Variants in PTGES3 observed in about 807,000 individuals in gnomAD.
The protein encoded by PTGES3 is prostaglandin E synthase 3, also known as Hsp90 co-chaperone.
Under a neutral mutation model 29.9 loss-of-function variants are expected in PTGES3, and 5 were observed. The ratio of observed to expected loss-of-function variants is 0.17; its 90% CI spans 0.09 to 0.35. The LOEUF is 0.35. Ranked by LOEUF, PTGES3 falls within the 10% of genes least tolerant of loss-of-function variation. The pLI is 1.00. For missense variants in PTGES3, 128 were observed against 190.0 expected, an observed-to-expected ratio of 0.67 and a Z score of 1.92; for synonymous variants, 49 against 57.8, an observed-to-expected ratio of 0.85 and a Z score of 0.69.
intron 5 of PTGES3, among the ~76,000 whole-genome samples, chr12:56,669,278 C>T (rs1348538533): frequency 6.6e-6 from 1 of 151,716 alleles, no homozygotes; most frequent in African/African-American, 2.4e-5. Flanking sequence ...CCGCAACCTC[C>T]ACCTCCCGGG....
intron 4 of PTGES3, chr12:56,670,601 T>A (rs1320779044): frequency 2.1e-6 from 1 of 477,202 alleles, no homozygotes; most frequent in African/African-American, 1.9e-5. Context: ...GGTCCCCGCT[T>A]CCTGGGACAA....
chr12:56,668,421 TAAAAC>T (rs1017997716), intron 5 of PTGES3, among the ~76,000 whole-genome samples: 5 of 151,936 alleles, frequency 3.3e-5, no homozygotes, highest in Admixed American at 2.6e-4. Context: ...GATAGCAAAA[TAAAAC>T]AAAAAACAAA....
At chr12:56,674,422 T>TGG (rs1952133445) in intron 1 of PTGES3, among the ~76,000 whole-genome samples, 1 of 152,198 alleles carries the variant, frequency 6.6e-6, no homozygotes, top group Non-Finnish European at 1.5e-5. Flanking sequence ...CCAGGCGCGG[T>TGG]GGCTCACGCC....
chr12:56,678,722 C>T (rs1952383748), intron 1 of PTGES3, among the ~76,000 whole-genome samples: 1 of 152,042 alleles, frequency 6.6e-6, no homozygotes, highest in Non-Finnish European at 1.5e-5. Flanking sequence ...AACAAAGAGA[C>T]CTTTTAGATA....
chr12:56,686,861 CTTA>C (rs1324814527), intron 1 of PTGES3: 8 of 378,006 alleles, frequency 2.1e-5, no homozygotes, highest in African/African-American at 4.3e-5. Context: ...CAAGCAAATC[CTTA>C]TTACTTTTCC....
In PTGES3 at chr12:56,666,064, T is replaced by C. The variant is rs1025130434; in HGVS notation, c.438+140A>G. On this transcript the variant is annotated intron_variant, in intron 6 of 7. Transcript: ENST00000262033. ...CCCCATTCGTCAAAAATGGGCACAT[T>C]TTAAAAATTGCTTTTCCCTTTTCTT... 44 of 1,401,112 alleles carry C rather than the reference T, an allele frequency of 3.1e-5. No individual in the cohort carries two copies. In the South Asian group the frequency reaches 7.3e-4, roughly 23 times the overall value. 86.8% of individuals were successfully genotyped at this position (1,401,112 alleles called of 1,614,324 possible). A position where few individuals can be genotyped will look rare whatever the true frequency, so the allele number is the denominator to read the frequency against.
chr12:56,688,063 G>A lies in PTGES3; in HGVS notation c.-64C>T, dbSNP rs997415881. On this transcript the variant is annotated 5_prime_UTR_variant, in exon 1 of 8. Transcript: ENST00000262033. ...GCCTCTCTGGCGGCGGCTGCTGCTA[G>A]GGAGTCGACTTCTCTCCGGTGGCGA... 12 of 1,469,640 alleles carry A rather than the reference G, an allele frequency of 8.2e-6. No individual in the cohort carries two copies. The South Asian group carries it at 1.5e-4, about 18-fold the overall frequency. 91.0% of individuals were successfully genotyped at this position (1,469,640 alleles called of 1,614,324 possible). A position where few individuals can be genotyped will look rare whatever the true frequency, so the allele number is the denominator to read the frequency against.
chr12:56,669,532 C>T (rs537924162), intron 5 of PTGES3, among the ~76,000 whole-genome samples: 117 of 152,354 alleles, frequency 7.7e-4, no homozygotes, highest in African/African-American at 2.5e-3. Flanking sequence ...ATCCGCCCAT[C>T]TCAGCCTCCC....
intron 1 of PTGES3, among the ~76,000 whole-genome samples, chr12:56,673,949 C>G (rs1353832612): frequency 8.5e-5 from 13 of 152,180 alleles, no homozygotes. Context: ...GCCTGGGCAA[C>G]AGAGACTCTG....
intron 1 of PTGES3, among the ~76,000 whole-genome samples, chr12:56,679,561 C>T (rs1476552487): frequency 6.6e-6 from 1 of 152,058 alleles, no homozygotes; most frequent in Admixed American, 6.6e-5. Context: ...CAGTCTTACA[C>T]AATGGTTATG....
At chr12:56,677,503 C>T (rs1277436966) in intron 1 of PTGES3, among the ~76,000 whole-genome samples, 2 of 151,844 alleles carry the variant, frequency 1.3e-5, no homozygotes, top group African/African-American at 4.8e-5. Flanking sequence ...AGCCTAGTAG[C>T]TATTGGAAAA....
intron 1 of PTGES3, among the ~76,000 whole-genome samples, chr12:56,679,442 T>G (rs920898368): frequency 6.7e-6 from 1 of 148,466 alleles, no homozygotes; most frequent in Non-Finnish European, 1.5e-5. Context: ...GCATGGAATG[T>G]CCGCCTGTGG....
In PTGES3 at chr12:56,687,654, T is replaced by TA. The variant is rs1952943209; in HGVS notation, c.2+343_2+344insT. ...GCAGCCGAGAGGCGACCCACGAAGG[T>TA]TCACGCTTCAGGGCGCCGCATGGCG... On this transcript the variant is annotated intron_variant, in intron 1 of 7. Coordinates refer to ENST00000262033, the MANE Select transcript of PTGES3 (RefSeq NM_006601.7). 15 of 1,204,788 alleles carry TA rather than the reference T, an allele frequency of 1.2e-5. No homozygotes were observed. In the South Asian group the frequency reaches 3.0e-4, roughly 24 times the overall value. The allele number at this position is 1,204,788 out of a possible 1,614,324, so 74.6% of individuals were successfully genotyped here.
chr12:56,687,025 A>AC (rs1952901971), intron 1 of PTGES3: 3 of 388,836 alleles, frequency 7.7e-6, no homozygotes, highest in Non-Finnish European at 1.3e-5. Flanking sequence ...AAAAAAAAAA[A>AC]AAAAACCCTG....
chr12:56,670,215 GACT>G (rs2137609909), intron 5 of PTGES3, 57 bp downstream of exon 5: 1 of 1,138,570 alleles, frequency 8.8e-7, no homozygotes, highest in Admixed American at 1.8e-5. Flanking sequence ...ATATTAAATT[GACT>G]ACATAGACAG....
chr12:56,677,922 T>G (rs1220086477), intron 1 of PTGES3, among the ~76,000 whole-genome samples: 2 of 152,184 alleles, frequency 1.3e-5, no homozygotes, highest in Admixed American at 6.6e-5. Context: ...CATGATTTGG[T>G]AGCCACAGGC....
intron 5 of PTGES3, among the ~76,000 whole-genome samples, chr12:56,668,947 G>A (rs1023544656): frequency 2.0e-5 from 3 of 150,252 alleles, no homozygotes; most frequent in African/African-American, 7.3e-5. Context: ...TGACATCTTA[G>A]AAAACAGACT....
intron 1 of PTGES3, chr12:56,687,062 G>T: frequency 2.3e-6 from 1 of 430,470 alleles, no homozygotes; most frequent in Non-Finnish European, 3.8e-6. Flanking sequence ...CACTGTACGC[G>T]GCAGTGCCAA....
chr12:56,670,478 G>A, intron 4 of PTGES3, 114 bp from the exon 5 acceptor site: 1 of 731,084 alleles, frequency 1.4e-6, no homozygotes, highest in South Asian at 1.6e-5. Context: ...TGTTGCCCAG[G>A]CTGGAGTGCA....
Sources: allele counts gnomAD v4.1 joint callset (sites outside exome capture counted in the v4.1 genomes callset), GRCh38; gene constraint gnomAD v4.1.1; transcripts MANE v1.5; gene names NCBI Gene and HGNC (gene_info 2026-07-23, HGNC 2026-07-21).